The following PCDH12 variants were observed in gnomAD, a reference collection of about 807,000 sequenced individuals.
The protein encoded by PCDH12 is protocadherin-12.
Under a neutral mutation model 70.9 loss-of-function variants are expected in PCDH12, and 45 were observed. The ratio of observed to expected loss-of-function variants is 0.63; its 90% CI spans 0.50 to 0.81. PCDH12 has a LOEUF of 0.81. Ranked by LOEUF, PCDH12 falls within the 40% of genes least tolerant of loss-of-function variation. PCDH12 has a pLI of 0.00. For missense variants in PCDH12, 1,370 were observed against 1,491.7 expected, an observed-to-expected ratio of 0.92 and a Z score of 1.34; for synonymous variants, 567 against 626.0, an observed-to-expected ratio of 0.91 and a Z score of 1.41.
Position 141,951,531 on chromosome 5 carries a change from G to A in PCDH12, c.2940C>T (p.His980=). Residue 980 remains histidine (H), a synonymous_variant, in exon 2 of 4, where the codon CAC becomes CAT. Transcript: ENST00000231484. The part of the protein sequence containing the change: ...HQGQFQPKPN[H]RGNKYLAKPG... ...GCTTGGCCAAGTACTTATTTCCTCGGTGGTTTGGTTTGGGCTGGAATTGGC... is the reference window on the plus strand; with the variant it reads ...GCTTGGCCAAGTACTTATTTCCTCGATGGTTTGGTTTGGGCTGGAATTGGC... 2 of 1,614,238 alleles carry A rather than the reference G, an allele frequency of 1.2e-6. No individual in the cohort carries two copies. Among genetic ancestry groups the A allele is most frequent in the Non-Finnish European group, 8.5e-7 (1 of 1,180,038 alleles).
intron 2 of PCDH12, 116 bp downstream of exon 2, chr5:141,951,377 C>T: frequency 3.9e-6 from 3 of 764,426 alleles, no homozygotes; most frequent in South Asian, 1.5e-5. Context: ...CTGCTGCACC[C>T]TCCCAGGGGA....
chr5:141,950,995 A>G (rs1433900000), intron 2 of PCDH12, among the ~76,000 whole-genome samples: 3 of 152,190 alleles, frequency 2.0e-5, no homozygotes, highest in Non-Finnish European at 4.4e-5. Context: ...GGTTTGAATC[A>G]AGCTACTCAG....
chr5:141,947,612 G>A (rs189478250), intron 3 of PCDH12, among the ~76,000 whole-genome samples: 30 of 152,316 alleles, frequency 2.0e-4, no homozygotes, highest in African/African-American at 4.8e-4. Flanking sequence ...CTAAGCTCCC[G>A]TTTCCTCTTA....
chr5:141,949,489 G>T lies in PCDH12; in HGVS notation c.3073C>A (p.Leu1025Ile). 6 of 1,614,152 alleles carry T rather than the reference G, an allele frequency of 3.7e-6. No individual in the cohort carries two copies. The highest frequency in any genetic ancestry group is 5.1e-6 in the Non-Finnish European group (6 of 1,180,006). The change falls in exon 3 of 4, where the codon CTC (leucine) becomes ATC (isoleucine). Residue 1025 changes from leucine (L) to isoleucine (I), a missense_variant. Physicochemically the swap from Leu to Ile is conservative, Grantham distance 5 (BLOSUM62 2). Transcript: ENST00000231484. Reference protein sequence around the residue: ...EEGPLDPEEDLSVKQLLEEEL... With the variant: ...EEGPLDPEEDISVKQLLEEEL... Reference sequence around the variant, plus strand: ...TCTTCTAGCAGTTGCTTCACAGAGAGGTCCTCTTCAGGATCCAAAGGCCCT... The same window carrying T: ...TCTTCTAGCAGTTGCTTCACAGAGATGTCCTCTTCAGGATCCAAAGGCCCT...
chr5:141,946,471 C>G (rs972256984), intron 3 of PCDH12, among the ~76,000 whole-genome samples: 4 of 152,150 alleles, frequency 2.6e-5, no homozygotes, highest in Admixed American at 6.5e-5. Flanking sequence ...TATGATGGCA[C>G]CACCCTACCC....
At chr5:141,949,373 C>G (rs1020395461) in intron 3 of PCDH12, 59 bp downstream of exon 3, 6 of 1,547,642 alleles carry the variant, frequency 3.9e-6, no homozygotes, top group Non-Finnish European at 5.2e-6. Flanking sequence ...GAGCAGAACT[C>G]TGAAGCTTGG....
chr5:141,954,327 C>T (rs1023170151), intron 1 of PCDH12, among the ~76,000 whole-genome samples: 14 of 152,136 alleles, frequency 9.2e-5, no homozygotes, highest in African/African-American at 3.4e-4. Context: ...CCTATGCTGG[C>T]CTTCTTCATA....
chr5:141,955,385 A>C lies in PCDH12; in HGVS notation c.2467T>G (p.Tyr823Asp). ...QAPFHLTPTLYRTLRNQGNQG... is the reference protein window; with the variant it reads ...QAPFHLTPTLDRTLRNQGNQG... ...TTGCCTTGATTACGCAGCGTCCTGTACAGGGTCGGGGTGAGGTGGAAGGGG... is the reference window on the plus strand; with the variant it reads ...TTGCCTTGATTACGCAGCGTCCTGTCCAGGGTCGGGGTGAGGTGGAAGGGG... Residue 823 changes from tyrosine to aspartate, a missense_variant, in exon 1 of 4, where the codon TAC (tyrosine) becomes GAC (aspartate). By Grantham distance (160) the Tyr-to-Asp change is radical. Coordinates refer to ENST00000231484, the MANE Select transcript of PCDH12 (RefSeq NM_016580.4). This position sits in a 1 kb window ranked among gnomAD's most constrained non-coding sequence, Gnocchi z 5.5. 1 of 1,614,000 alleles carries C rather than the reference A, an allele frequency of 6.2e-7. No individual in the cohort carries two copies. The highest frequency in any genetic ancestry group is 1.1e-5 in the South Asian group (1 of 91,078).
rs752872441 is a variant in PCDH12 at position 141,945,563 on chromosome 5, A to T, written c.3373T>A (p.Ser1125Thr). The change falls in exon 4 of 4, where the codon TCC (serine) becomes ACC (threonine). Residue 1125 changes from serine to threonine, a missense_variant. Transcript: ENST00000231484. ...GAGGCGGCCTCCACGGGCATGCTGG[A>T]GCGCTGTTCCAGCAGCATCTCCAGC... ...SLLEMLLEQRSSMPVEAASEA... is the reference protein window; with the variant it reads ...SLLEMLLEQRTSMPVEAASEA... 1 of 1,613,942 alleles carries T rather than the reference A, an allele frequency of 6.2e-7. No individual in the cohort carries two copies. Among genetic ancestry groups the T allele is most frequent in the South Asian group, 1.1e-5 (1 of 91,082 alleles).
rs1362846647 is a variant in PCDH12, at chr5:141,955,815, G to A, written c.2037C>T (p.Asp679=). ...SEWELEIVVE[D]QGSPPLQTRA... is the part of the protein sequence containing the mutation. ...GGGTCTGTAAGGGGGGGCTTCCCTG[G>A]TCCTCTACTACTATCTCCAGCTCCC... Residue 679 remains aspartate, a synonymous_variant, in exon 1 of 4, where the codon GAC becomes GAT. Transcript: ENST00000231484. The surrounding 1 kb of genome is among the most constrained non-coding windows in gnomAD (Gnocchi z 5.5). 2 of 1,613,798 alleles carry A rather than the reference G, an allele frequency of 1.2e-6. No homozygotes were observed. Among genetic ancestry groups the A allele is most frequent in the African/African-American group, 2.7e-5 (2 of 74,880 alleles).
intron 3 of PCDH12, among the ~76,000 whole-genome samples, chr5:141,946,928 TCTAC>T: frequency 6.6e-6 from 1 of 151,468 alleles, no homozygotes; most frequent in Admixed American, 6.6e-5. Context: ...AAGCACAACA[TCTAC>T]TTAACATTTA....
chr5:141,949,358 G>A, intron 3 of PCDH12, 74 bp downstream of exon 3: 1 of 1,515,352 alleles, frequency 6.6e-7, no homozygotes, highest in Admixed American at 2.2e-5. Flanking sequence ...CCCTGCAGTG[G>A]ATTGGAGCAG....
In PCDH12 at chr5:141,956,666, C is replaced by T; in HGVS notation, c.1186G>A (p.Glu396Lys). Reference protein sequence around the residue: ...NGLVHCWLSQELGHFRLKRTN... With the variant: ...NGLVHCWLSQKLGHFRLKRTN... ...CTTTTCAGCCTGAAGTGGCCCAGCTCTTGGCTCAGCCAGCAGTGGACCAAA... is the reference window on the plus strand; with the variant it reads ...CTTTTCAGCCTGAAGTGGCCCAGCTTTTGGCTCAGCCAGCAGTGGACCAAA... The change falls in exon 1 of 4, where the codon GAG becomes AAG. Residue 396 changes from glutamate (E) to lysine (K), a missense_variant. Transcript: ENST00000231484. 4 of 1,614,230 alleles carry T rather than the reference C, an allele frequency of 2.5e-6. No individual in the cohort carries two copies. Among genetic ancestry groups the T allele is most frequent in the Non-Finnish European group, 3.4e-6 (4 of 1,180,046 alleles).
chr5:141,956,304 C>T lies in PCDH12; in HGVS notation c.1548G>A (p.Glu516=), dbSNP rs1180116847. Residue 516 remains glutamate, a synonymous_variant, in exon 1 of 4, where the codon GAG becomes GAA. Coordinates refer to ENST00000231484, the MANE Select transcript of PCDH12 (RefSeq NM_016580.4). The stretch of plus-strand genomic sequence containing the variant: ...AGTTCAGTGACCTCTGAGCAGTGAC[C>T]TCTCCTGTGTTGGAGTCAATAGCTA... ...HLVAIDSNTG[E]VTAQRSLNYE... 6.2e-7 allele frequency: 1 copy of T among 1,614,174 alleles called. No individual in the cohort carries two copies.
chr5:141,949,974 G>A (rs539044712), intron 2 of PCDH12, among the ~76,000 whole-genome samples: 1 of 152,298 alleles, frequency 6.6e-6, no homozygotes, highest in East Asian at 1.9e-4. Context: ...AAACCTCAGT[G>A]GAGCCAGTGC....
chr5:141,955,240 G>A lies in PCDH12; in HGVS notation c.2612C>T (p.Ala871Val). 1.2e-6 allele frequency: 2 copies of A among 1,614,256 alleles called. No individual in the cohort carries two copies. Among genetic ancestry groups the A allele is most frequent in the Non-Finnish European group, 1.7e-6 (2 of 1,180,048 alleles). The change falls in exon 1 of 4, where the codon GCC (alanine) becomes GTC (valine). Residue 871 changes from alanine (A) to valine (V), a missense_variant. Transcript: ENST00000231484. The surrounding 1 kb of genome is among the most constrained non-coding windows in gnomAD (Gnocchi z 5.5). ...AGGCCTGGAACGTGGCTGGCCTGTG[G>A]CAGGCTGGGGCTCGGGAAGGTTCAG... ...ENLNLPEPQP[A>V]TGQPRSRPLK...
chr5:141,957,321 A>G lies in PCDH12; in HGVS notation c.531T>C (p.Ser177=), dbSNP rs773210192. The change falls in exon 1 of 4, where the codon AGT becomes AGC. Residue 177 remains serine (S), a synonymous_variant. Coordinates refer to ENST00000231484, the MANE Select transcript of PCDH12 (RefSeq NM_016580.4). The surrounding 1 kb of genome is among the most constrained non-coding windows in gnomAD (Gnocchi z 4.3). ...NTLHTYTLSP[S]EHFALDVIVG... is the part of the protein sequence containing the mutation. Reference sequence around the variant, plus strand: ...CAATGACATCCAAGGCAAAGTGCTCACTGGGAGACAGAGTGTAGGTGTGCA... The same window carrying G: ...CAATGACATCCAAGGCAAAGTGCTCGCTGGGAGACAGAGTGTAGGTGTGCA... 5 of 1,613,366 alleles carry G rather than the reference A, an allele frequency of 3.1e-6. No homozygotes were observed. The South Asian group carries it at 5.5e-5, about 18-fold the overall frequency.
At position 141,957,070 on chromosome 5, in the gene PCDH12, G is replaced by A. The variant is rs151002555; in HGVS notation, c.782C>T (p.Thr261Met). ...LEIQEDAAPG[T>M]LLIKLTATDP... ...TGTGGCGGTCAGTTTTATGAGAAGC[G>A]TACCAGGTGCAGCATCTTCTTGGAT... Residue 261 changes from threonine to methionine, a missense_variant, in exon 1 of 4, where the codon ACG becomes ATG. Coordinates refer to ENST00000231484, the MANE Select transcript of PCDH12 (RefSeq NM_016580.4). The surrounding 1 kb of genome is among the most constrained non-coding windows in gnomAD (Gnocchi z 4.3). The A allele has an allele frequency of 5.4e-3, 8,664 of 1,614,136 alleles. 25 individuals carry two copies. Among genetic ancestry groups the A allele is most frequent in the Non-Finnish European group, 6.3e-3 (7,432 of 1,179,996 alleles).
At chr5:141,953,824 C>G (rs998729969) in intron 1 of PCDH12, among the ~76,000 whole-genome samples, 1 of 152,220 alleles carries the variant, frequency 6.6e-6, no homozygotes, top group Non-Finnish European at 1.5e-5. Flanking sequence ...AGGTGGCTTC[C>G]TGAGGAGGGA....
Sources: gnomAD v4.1 joint callset for allele counts (sites outside exome capture counted in the v4.1 genomes callset) on GRCh38, gnomAD v4.1.1 for gene constraint, Gnocchi (gnomAD v3.1) non-coding constraint, MANE v1.5 for transcripts, NCBI Gene and HGNC (gene_info 2026-07-23, HGNC 2026-07-21) for gene names.